Variants in ABCC9 observed in about 807,000 individuals in gnomAD.
ABCC9 encodes ATP binding cassette subfamily C member 9, also known as ATP-binding cassette sub-family C member 9.
A neutral mutation model predicts 188.3 loss-of-function variants in ABCC9; 95 were observed. The observed-to-expected ratio is 0.50, with a 90% CI of 0.43 to 0.60. The LOEUF is 0.60. ABCC9 is among the 20% of genes least tolerant of loss of function. ABCC9 has a pLI of 0.00. For missense variants in ABCC9, 1,102 were observed against 1,876.3 expected, an observed-to-expected ratio of 0.59 and a Z score of 7.62; for synonymous variants, 659 against 652.7, an observed-to-expected ratio of 1.01 and a Z score of -0.15.
intron 25 of ABCC9, 67 bp from the exon 26 acceptor site, chr12:21,845,899 A>C: frequency 8.9e-7 from 1 of 1,124,422 alleles, no homozygotes. Flanking sequence ...TTATTGCTCC[A>C]CAAATAGTAT....
rs778646861 is a variant in ABCC9 at position 21,908,229 on chromosome 12, T to G, written c.1321-18A>C. The G allele has an allele frequency of 8.1e-6, 13 of 1,611,422 alleles. No homozygotes were observed. The South Asian group carries it at 1.3e-4, about 16-fold the overall frequency. On this transcript the variant is annotated intron_variant, in intron 10 of 39. Coordinates refer to ENST00000261200, the MANE Select transcript of ABCC9 (RefSeq NM_020297.4). Reference sequence around the variant, plus strand: ...ATTATGATCTAGAGAGAAAAACACATGGAAAAGAGAAGATGAATGGGTTGT... The same window carrying G: ...ATTATGATCTAGAGAGAAAAACACAGGGAAAAGAGAAGATGAATGGGTTGT...
intron 37 of ABCC9, among the ~76,000 whole-genome samples, chr12:21,807,800 A>T (rs912440738): frequency 6.6e-6 from 1 of 152,224 alleles, no homozygotes; most frequent in African/African-American, 2.4e-5. Flanking sequence ...ATAATTACCT[A>T]AGGCCCAGAG....
chr12:21,898,365 T>C (rs1947530235), intron 12 of ABCC9, among the ~76,000 whole-genome samples: 1 of 152,116 alleles, frequency 6.6e-6, no homozygotes, highest in African/African-American at 2.4e-5. Context: ...AAGGATGTAT[T>C]GAAGGGGTCA....
In ABCC9 at chr12:21,842,430, C is replaced by G. The variant is rs2287626; in HGVS notation, c.3357G>C (p.Leu1119=). 6.2e-7 allele frequency: 1 copy of G among 1,614,008 alleles called. No individual in the cohort carries two copies. Among genetic ancestry groups the G allele is most frequent in the Non-Finnish European group, 8.5e-7 (1 of 1,180,004 alleles). ...TCATCCCAATGGCAGACAGGCAGAG[C>G]AGTGTTGAGCGAGTTAGAGATTCCA... The part of the protein sequence containing the change: ...PTLESLTRST[L]LCLSAIGMIS... The change falls in exon 29 of 40, where the codon CTG becomes CTC. Residue 1119 remains leucine, a synonymous_variant. Transcript: ENST00000261200.
chr12:21,857,921 C>A (rs1220938054), intron 22 of ABCC9, among the ~76,000 whole-genome samples: 1 of 152,030 alleles, frequency 6.6e-6, no homozygotes, highest in Non-Finnish European at 1.5e-5. Flanking sequence ...TTTTTTATAG[C>A]AGTAACAGGA....
chr12:21,906,077 A>G (rs1486511395), intron 12 of ABCC9, 49 bp downstream of exon 12: 5 of 1,566,810 alleles, frequency 3.2e-6, no homozygotes, highest in Non-Finnish European at 3.5e-6. Context: ...ACTGTTGGTT[A>G]TTCTGGTTGC....
rs1421837275 is a variant in ABCC9 at position 21,800,829 on chromosome 12, G to C, written c.*215C>G. The C allele has an allele frequency of 5.7e-5, 32 of 562,486 alleles. No homozygotes were observed. The highest frequency in any genetic ancestry group is 1.0e-4 in the Non-Finnish European group (32 of 319,034). The allele number at this position is 562,486 out of a possible 1,614,324, so 34.8% of individuals were successfully genotyped here. The stretch of plus-strand genomic sequence containing the variant: ...TACAACCTAGCTATTCTTAAAGCTA[G>C]AGTGGCTGGATCACTATAAAAACAT... On this transcript the variant is annotated 3_prime_UTR_variant, in exon 40 of 40. Transcript: ENST00000261200.
intron 20 of ABCC9, 151 bp from the exon 21 acceptor site, chr12:21,861,206 G>C (rs879146971): frequency 1.4e-6 from 1 of 691,290 alleles, no homozygotes; most frequent in South Asian, 1.6e-5. Context: ...TGGATACAAA[G>C]ATACATAAGT....
Position 21,806,149 on chromosome 12 carries a change from C to T in ABCC9, c.4450-89G>A, listed in dbSNP as rs368800227. On this transcript the variant is annotated intron_variant, in intron 38 of 39. Transcript: ENST00000261200. ...AGAACAATCAATATTCCACTGAATC[C>T]CTTGTGAGCATTCTCAATCCCTCAT... The T allele has an allele frequency of 3.2e-5, 37 of 1,155,696 alleles. No homozygotes were observed. In the African/African-American group the frequency reaches 4.1e-4, roughly 13 times the overall value. 71.6% of individuals were successfully genotyped at this position (1,155,696 alleles called of 1,614,324 possible).
At chr12:21,932,070 C>A (rs1229863222) in intron 4 of ABCC9, among the ~76,000 whole-genome samples, 1 of 151,992 alleles carries the variant, frequency 6.6e-6, no homozygotes, top group East Asian at 1.9e-4. Context: ...ACTTTCCTAT[C>A]AAAAAATTTA....
chr12:21,824,732 G>A (rs1943262793), intron 31 of ABCC9, among the ~76,000 whole-genome samples: 1 of 152,134 alleles, frequency 6.6e-6, no homozygotes, highest in Admixed American at 6.5e-5. Context: ...GGGTGTGTGT[G>A]TCCAGAAATT....
In ABCC9 at chr12:21,895,289, C is replaced by A; in HGVS notation, c.1645G>T (p.Ala549Ser). The A allele has an allele frequency of 6.2e-7, 1 of 1,613,686 alleles. No individual in the cohort carries two copies. Among genetic ancestry groups the A allele is most frequent in the Non-Finnish European group, 8.5e-7 (1 of 1,179,664 alleles). Residue 549 changes from alanine to serine, a missense_variant, in exon 13 of 40, where the codon GCA (alanine) becomes TCA (serine). Transcript: ENST00000261200. Reference protein sequence around the residue: ...SIFMNAAIPIAAVLATFVTHA... With the variant: ...SIFMNAAIPISAVLATFVTHA... ...AAGTGTCTTACAGCAAGAACAGCTG[C>A]TATGGGAATTGCTGCATTCATGAAG...
intron 2 of ABCC9, among the ~76,000 whole-genome samples, chr12:21,939,902 C>T (rs1024204612): frequency 6.6e-6 from 1 of 152,166 alleles, no homozygotes; most frequent in Non-Finnish European, 1.5e-5. Context: ...TGTTTTTATT[C>T]CTCGAAATGC....
chr12:21,916,098 A>G (rs950430468), intron 6 of ABCC9, among the ~76,000 whole-genome samples, 188 bp from the exon 7 acceptor site: 2 of 152,188 alleles, frequency 1.3e-5, no homozygotes, highest in Admixed American at 1.3e-4. Context: ...TGAACTAGTT[A>G]ATGCCAGAAT....
chr12:21,888,019 C>G, intron 14 of ABCC9, 85 bp from the exon 15 acceptor site: 1 of 1,006,560 alleles, frequency 9.9e-7, no homozygotes, highest in Non-Finnish European at 1.6e-6. Flanking sequence ...CTTTAACACA[C>G]AGTATTATGG....
At chr12:21,909,761 C>G (rs1201998830) in intron 10 of ABCC9, among the ~76,000 whole-genome samples, 2 of 151,898 alleles carry the variant, frequency 1.3e-5, no homozygotes, top group Non-Finnish European at 2.9e-5. Context: ...GGCAATAATA[C>G]TAACAACTAA....
intron 39 of ABCC9, 103 bp from the exon 40 acceptor site, chr12:21,801,284 C>T: frequency 6.8e-7 from 1 of 1,476,390 alleles, no homozygotes; most frequent in South Asian, 1.2e-5. Context: ...ATTTGTTTAT[C>T]TTGGTGAGTG....
chr12:21,855,137 C>T (rs557860705), intron 22 of ABCC9, among the ~76,000 whole-genome samples: 6 of 152,176 alleles, frequency 3.9e-5, no homozygotes, highest in African/African-American at 1.2e-4. Context: ...GAATTTTTCA[C>T]AGAAAAAATA....
Position 21,936,522 on chromosome 12 carries a change from A to C in ABCC9, c.142+11T>G. On this transcript the variant is annotated intron_variant, in intron 3 of 39. Coordinates refer to ENST00000261200, the MANE Select transcript of ABCC9 (RefSeq NM_020297.4). ...ATCAAATGGTATAACATAAGATACT[A>C]GATTACTTACCAATAAACAATATTG... 4 of 1,605,196 alleles carry C rather than the reference A, an allele frequency of 2.5e-6. No homozygotes were observed. The highest frequency in any genetic ancestry group is 2.6e-6 in the Non-Finnish European group (3 of 1,172,472).
Sources: gnomAD v4.1 joint callset for allele counts (sites outside exome capture counted in the v4.1 genomes callset) on GRCh38, gnomAD v4.1.1 for gene constraint, MANE v1.5 for transcripts, NCBI Gene and HGNC (gene_info 2026-07-23, HGNC 2026-07-21) for gene names.